SPATA17: variants seen among roughly 807,000 people sequenced by gnomAD.
SPATA17 encodes spermatogenesis associated 17.
A neutral mutation model predicts 62.2 loss-of-function variants in SPATA17; 53 were observed. The ratio of observed to expected loss-of-function variants is 0.85; its 90% CI spans 0.68 to 1.07. The LOEUF (loss-of-function observed/expected upper bound fraction) is 1.07, where lower values mean the gene tolerates loss of function less well. Among genes scored for constraint, SPATA17 ranks in the 50% least tolerant of loss-of-function variants. The pLI is 0.00. For missense variants in SPATA17, 466 were observed against 425.5 expected (o/e 1.10, Z -0.84); for synonymous variants, 146 against 146.8 (o/e 0.99, Z 0.04).
At chr1:217,833,215 C>T (rs990533578) in intron 9 of SPATA17, among the ~76,000 whole-genome samples, 8 of 152,102 alleles carry the variant, frequency 5.3e-5, no homozygotes, top group Admixed American at 2.0e-4. Flanking sequence ...AAAAGTATAT[C>T]GGCTATACAT....
intron 1 of SPATA17, among the ~76,000 whole-genome samples, chr1:217,633,557 A>G (rs1325916558): frequency 6.6e-6 from 1 of 152,158 alleles, no homozygotes; most frequent in Non-Finnish European, 1.5e-5. Context: ...ATCAGAGCCA[A>G]CTAATCTAAC....
At chr1:217,857,325 TG>T (rs1392416903) in intron 9 of SPATA17, among the ~76,000 whole-genome samples, 1 of 152,118 alleles carries the variant, frequency 6.6e-6, no homozygotes, top group Non-Finnish European at 1.5e-5. Flanking sequence ...CATTTTGACT[TG>T]GGTTTGAAAA....
In SPATA17 at chr1:217,827,503, A is replaced by G. The variant is rs1675023956; in HGVS notation, c.1005+25653A>G. Among the ~76,000 whole-genome samples the G allele has an allele frequency of 2.6e-5, 4 of 152,264 alleles. No individual in the cohort carries two copies. The South Asian group carries it at 8.3e-4, about 32-fold the overall frequency. On this transcript the variant is annotated intron_variant, in intron 9 of 10. Transcript: ENST00000366933. ...AAGATTTAGAACCGGAAACACATCC[A>G]GGATTTAACCCAGCAATCCCATTGC...
At chr1:217,864,960 A>T (rs543161786) in intron 10 of SPATA17, among the ~76,000 whole-genome samples, 1 of 152,188 alleles carries the variant, frequency 6.6e-6, no homozygotes, top group Admixed American at 6.5e-5. Flanking sequence ...GGTTTTTTTT[A>T]ATATTTGCCA....
At chr1:217,681,881 G>A (rs1360116994) in intron 4 of SPATA17, among the ~76,000 whole-genome samples, 2 of 151,730 alleles carry the variant, frequency 1.3e-5, no homozygotes, top group Admixed American at 1.3e-4. Context: ...AGGCTTTGGG[G>A]ATGAAACCCA....
rs546936919 is a variant in SPATA17 at position 217,847,587 on chromosome 1, A to C, written c.1006-15187A>C. On this transcript the variant is annotated intron_variant, in intron 9 of 10. Transcript: ENST00000366933. The stretch of plus-strand genomic sequence containing the variant: ...GAGGGGGTTGGTATTAAAGTATACT[A>C]ATTTCCGTTGACTATCTTATCTGCA... Among the ~76,000 whole-genome samples, 6 of 152,236 alleles carry C rather than the reference A, an allele frequency of 3.9e-5. No homozygotes were observed. In the East Asian group the frequency reaches 9.7e-4, roughly 25 times the overall value.
At chr1:217,721,112 C>T (rs1191769378) in intron 5 of SPATA17, among the ~76,000 whole-genome samples, 1 of 152,168 alleles carries the variant, frequency 6.6e-6, no homozygotes, top group Non-Finnish European at 1.5e-5. Context: ...ATTCCTTTAA[C>T]TTTAATATTC....
intron 9 of SPATA17, among the ~76,000 whole-genome samples, chr1:217,810,606 A>C (rs573051717): frequency 6.6e-6 from 1 of 152,026 alleles, no homozygotes; most frequent in African/African-American, 2.4e-5. Context: ...TGACAGAGTG[A>C]GACTCTGTCT....
intron 5 of SPATA17, among the ~76,000 whole-genome samples, chr1:217,708,669 A>G (rs1370183511): frequency 6.6e-6 from 1 of 151,926 alleles, no homozygotes; most frequent in Non-Finnish European, 1.5e-5. Context: ...TTCCCAAACT[A>G]TCTCATTCTA....
At chr1:217,773,742 G>T (rs1469183791) in intron 6 of SPATA17, among the ~76,000 whole-genome samples, 1 of 152,058 alleles carries the variant, frequency 6.6e-6, no homozygotes, top group African/African-American at 2.4e-5. Flanking sequence ...GTTATTTTGA[G>T]TGATATATAA....
intron 3 of SPATA17, among the ~76,000 whole-genome samples, chr1:217,658,590 C>T (rs1354696518): frequency 6.6e-6 from 1 of 152,000 alleles, no homozygotes; most frequent in Non-Finnish European, 1.5e-5. Context: ...TAGCCCGTCT[C>T]TACTAAGAAC....
intron 3 of SPATA17, among the ~76,000 whole-genome samples, chr1:217,651,609 GCTTCTTTTGT>G (rs1558552211): frequency 6.6e-6 from 1 of 152,068 alleles, no homozygotes; most frequent in African/African-American, 2.4e-5. Context: ...AAAGAATAAG[GCTTCTTTTGT>G]CTTCTCTTCA....
At chr1:217,715,264 A>C (rs1671976094) in intron 5 of SPATA17, among the ~76,000 whole-genome samples, 1 of 152,172 alleles carries the variant, frequency 6.6e-6, no homozygotes, top group South Asian at 2.1e-4. Flanking sequence ...TATCTTTTTT[A>C]CTCCTGAAGC....
At chr1:217,764,374 A>G (rs1673249103) in intron 6 of SPATA17, among the ~76,000 whole-genome samples, 1 of 152,136 alleles carries the variant, frequency 6.6e-6, no homozygotes, top group Non-Finnish European at 1.5e-5. Context: ...ACTTAGTAAT[A>G]TGCATTTAAG....
At chr1:217,638,237 C>T (rs1220905688) in intron 1 of SPATA17, among the ~76,000 whole-genome samples, 1 of 152,012 alleles carries the variant, frequency 6.6e-6, no homozygotes, top group Non-Finnish European at 1.5e-5. Context: ...AGTAATTTTC[C>T]ATAGGTATAT....
At chr1:217,733,190 T>C (rs1412077537) in intron 5 of SPATA17, among the ~76,000 whole-genome samples, 2 of 152,224 alleles carry the variant, frequency 1.3e-5, no homozygotes, top group African/African-American at 4.8e-5. Context: ...TATACTTTTT[T>C]CATTCTCAAA....
intron 5 of SPATA17, among the ~76,000 whole-genome samples, chr1:217,706,006 T>G (rs560131449): frequency 6.6e-6 from 1 of 152,254 alleles, no homozygotes; most frequent in East Asian, 1.9e-4. Flanking sequence ...TGCTTCTTTT[T>G]GTTGATGGTT....
chr1:217,680,009 CTTATT>C (rs1359351204), intron 4 of SPATA17, among the ~76,000 whole-genome samples: 9 of 152,142 alleles, frequency 5.9e-5, no homozygotes, highest in African/African-American at 2.2e-4. Flanking sequence ...CACACTTAAT[CTTATT>C]TTATTTATAA....
intron 5 of SPATA17, among the ~76,000 whole-genome samples, chr1:217,707,620 A>C (rs190145513): frequency 6.6e-6 from 1 of 152,322 alleles, no homozygotes; most frequent in East Asian, 1.9e-4. Context: ...TCAACATCCC[A>C]CTGACAGTAT....
Sources: gnomAD v4.1 joint callset for allele counts (sites outside exome capture counted in the v4.1 genomes callset) on GRCh38, gnomAD v4.1.1 for gene constraint, MANE v1.5 for transcripts, NCBI Gene and HGNC (gene_info 2026-07-23, HGNC 2026-07-21) for gene names.